MTMR4: variants seen among roughly 807,000 people sequenced by gnomAD.
MTMR4 encodes phosphatidylinositol-3,5-bisphosphate 3-phosphatase MTMR4.
In MTMR4, 30 loss-of-function variants were observed where a neutral mutation model predicts 125.5. That is an observed-to-expected ratio of 0.24 (90% confidence interval 0.18 to 0.32). The LOEUF is 0.32. Ranked by LOEUF, MTMR4 falls within the 10% of genes least tolerant of loss-of-function variation. The pLI is 1.00. For missense variants in MTMR4, 1,039 were observed against 1,511.5 expected (o/e 0.69, Z 5.18); for synonymous variants, 498 against 564.5 (o/e 0.88, Z 1.67).
At chr17:58,515,156 G>A (rs906790194), upstream of MTMR4, 7 of 608,396 alleles carry the variant, frequency 1.2e-5, no homozygotes, top group Admixed American at 3.8e-4. Context: ...TCTCTCCCTT[G>A]TTTCACATTC....
chr17:58,498,288 A>C (rs1238795571), intron 14 of MTMR4, among the ~76,000 whole-genome samples: 5 of 151,930 alleles, frequency 3.3e-5, no homozygotes, highest in African/African-American at 1.2e-4. Flanking sequence ...CTCTTCATCC[A>C]AATTCAAATA....
chr17:58,513,033 CCACA>C, intron 1 of MTMR4, 92 bp from the exon 2 acceptor site: 1 of 857,098 alleles, frequency 1.2e-6, no homozygotes, highest in Non-Finnish European at 2.0e-6. Flanking sequence ...CCACAGATAC[CCACA>C]CACACACACC....
rs182529815 is a variant in MTMR4 at position 58,498,795 on chromosome 17, T to C, written c.1854-2465A>G. ...ATCTCCGCTTTCTCCCCAAACTGGC[T>C]GGTCTTCTCGACCTTTCAATGTCTA... On this transcript the variant is annotated intron_variant, in intron 14 of 17. Transcript: ENST00000682306. 1.6e-4 allele frequency among the ~76,000 whole-genome samples: 24 copies of C among 152,334 alleles called. No homozygotes were observed. The East Asian group carries it at 4.4e-3, about 28-fold the overall frequency.
rs757261448 is a variant in MTMR4 at position 58,495,991 on chromosome 17, G to T, written c.2193C>A (p.Thr731=). The change falls in exon 15 of 18, where the codon ACC becomes ACA. Residue 731 remains threonine (T), a synonymous_variant. Transcript: ENST00000682306. ...TAVPREMKSN[T]SDPEIKVLEE... ...CTAGGACTTTGATCTCAGGATCAGA[G>T]GTGTTGCTCTTCATTTCCCGAGGCA... 6.2e-7 allele frequency: 1 copy of T among 1,614,104 alleles called. No homozygotes were observed. Among genetic ancestry groups the T allele is most frequent in the East Asian group, 2.2e-5 (1 of 44,890 alleles).
chr17:58,501,359 C>T (rs1288023330), intron 14 of MTMR4, among the ~76,000 whole-genome samples: 6 of 152,002 alleles, frequency 3.9e-5, no homozygotes, highest in Admixed American at 1.3e-4. Context: ...AAAATTGGCA[C>T]ATGCCTAATG....
chr17:58,507,393 A>G (rs1975807193), intron 7 of MTMR4, 74 bp from the exon 8 acceptor site: 5 of 1,412,834 alleles, frequency 3.5e-6, no homozygotes, highest in Non-Finnish European at 4.8e-6. Flanking sequence ...GGGTTAGACC[A>G]AAGTCTCTAG....
At position 58,506,887 on chromosome 17, in the gene MTMR4, G is replaced by T. The variant is rs201168815; in HGVS notation, c.905-16C>A. Reference sequence around the variant, plus strand: ...AGAGAAGAATCTAAACACACAGCAGGAAGGAGTCCCTGAGTCAGCCAGCCA... The same window carrying T: ...AGAGAAGAATCTAAACACACAGCAGTAAGGAGTCCCTGAGTCAGCCAGCCA... On this transcript the variant is annotated splice_polypyrimidine_tract_variant and intron_variant, in intron 8 of 17. Coordinates refer to ENST00000682306, the MANE Select transcript of MTMR4 (RefSeq NM_001378067.1). 3 of 1,607,932 alleles carry T rather than the reference G, an allele frequency of 1.9e-6. No homozygotes were observed. In the African/African-American group the frequency reaches 4.0e-5, roughly 21 times the overall value.
rs913754999 is a variant in MTMR4, at chr17:58,491,748, G to A, written c.3545C>T (p.Ser1182Leu). 3.1e-6 allele frequency: 5 copies of A among 1,614,054 alleles called. No individual in the cohort carries two copies. In the African/African-American group the frequency reaches 4.0e-5, roughly 13 times the overall value. The change falls in exon 18 of 18, where the codon TCA becomes TTA. Residue 1182 changes from serine to leucine, a missense_variant. Physicochemically the swap from Ser to Leu is moderately radical, Grantham distance 145. This residue lies in a region of MTMR4 where 60 missense variants were observed against 129.6 expected (regional missense o/e 0.46). Coordinates refer to ENST00000682306, the MANE Select transcript of MTMR4 (RefSeq NM_001378067.1). ...QLYDPVLVCN[S>L]CYEHIQVSRA... ...AGAGACTTGAATGTGTTCGTAACAT[G>A]AGTTACAGACGAGAACTGGGTCATA...
chr17:58,495,168 T>G lies in MTMR4; in HGVS notation c.3016A>C (p.Ser1006Arg). The G allele has an allele frequency of 6.2e-7, 1 of 1,614,240 alleles. No individual in the cohort carries two copies. The highest frequency in any genetic ancestry group is 2.2e-5 in the East Asian group (1 of 44,874). Reference protein sequence around the residue: ...WLSSHPKQVSSTKPVPLNCPS... With the variant: ...WLSSHPKQVSRTKPVPLNCPS... ...CAGTTCAGTGGAACGGGCTTTGTGCTAGAGACTTGCTTTGGATGACTGGAC... is the reference window on the plus strand; with the variant it reads ...CAGTTCAGTGGAACGGGCTTTGTGCGAGAGACTTGCTTTGGATGACTGGAC... The change falls in exon 15 of 18, where the codon AGC becomes CGC. Residue 1006 changes from serine (S) to arginine (R), a missense_variant. Ser to Arg is a moderately radical substitution (Grantham distance 110). Transcript: ENST00000682306.
chr17:58,512,904 G>A lies in MTMR4; in HGVS notation c.83C>T (p.Ala28Val). ...TTCCTTGGGGGGGAACAGATCCTTG[G>A]CTTGGATGTACTCCAGGCTGGGGGG... The part of the protein sequence containing the change: ...EGPPSLEYIQ[A>V]KDLFPPKELV... The change falls in exon 2 of 18, where the codon GCC (alanine) becomes GTC (valine). Residue 28 changes from alanine to valine, a missense_variant. Around this residue, in one of 6 missense-constraint regions of MTMR4, gnomAD observed 202 missense variants for 311.9 expected, o/e 0.65. Transcript: ENST00000682306. The surrounding 1 kb of genome is among the most constrained non-coding windows in gnomAD (Gnocchi z 4.1). 1 of 1,610,978 alleles carries A rather than the reference G, an allele frequency of 6.2e-7. No homozygotes were observed. The highest frequency in any genetic ancestry group is 8.5e-7 in the Non-Finnish European group (1 of 1,178,982).
chr17:58,498,395 G>C (rs1399927152), intron 14 of MTMR4, among the ~76,000 whole-genome samples: 4 of 151,746 alleles, frequency 2.6e-5, no homozygotes, highest in Non-Finnish European at 5.9e-5. Context: ...ACAACAAGGA[G>C]AGAGAGCTCA....
chr17:58,510,465 G>C (rs928594773), intron 4 of MTMR4: 3 of 152,186 alleles, frequency 2.0e-5, no homozygotes, highest in Admixed American at 2.0e-4. Context: ...TTTCGGTGCA[G>C]CTTCTCTGAT....
At chr17:58,503,141 G>C (rs1366576640) in intron 14 of MTMR4, among the ~76,000 whole-genome samples, 1 of 152,120 alleles carries the variant, frequency 6.6e-6, no homozygotes, top group Non-Finnish European at 1.5e-5. Context: ...CAAAAATCAA[G>C]ACCATTCCCA....
At chr17:58,506,982 C>T (rs1028267361) in intron 8 of MTMR4, 111 bp from the exon 9 acceptor site, 2 of 1,547,876 alleles carry the variant, frequency 1.3e-6, no homozygotes, top group Admixed American at 3.6e-5. Flanking sequence ...ACCCCTCATA[C>T]CCCACAGCTT....
chr17:58,515,967 C>T (rs567825175), upstream of MTMR4, among the ~76,000 whole-genome samples: 1 of 152,222 alleles, frequency 6.6e-6, no homozygotes, highest in Non-Finnish European at 1.5e-5. Flanking sequence ...GAGTTAAGGG[C>T]TTCCCTGGAC....
At chr17:58,517,993 C>G (rs1302887415), upstream of MTMR4, 2 of 152,964 alleles carry the variant, frequency 1.3e-5, no homozygotes, top group Non-Finnish European at 2.9e-5. Flanking sequence ...GCCCCCATCA[C>G]GCAGCCACCG....
At chr17:58,514,299 A>C (rs1976023401) in intron 1 of MTMR4, 64 bp downstream of exon 1, 1 of 987,402 alleles carries the variant, frequency 1.0e-6, no homozygotes, top group Non-Finnish European at 1.2e-6. Context: ...GCTGAAATCG[A>C]GGGCTGACCC....
intron 14 of MTMR4, among the ~76,000 whole-genome samples, chr17:58,503,482 T>C (rs1975693765): frequency 6.6e-6 from 1 of 152,032 alleles, no homozygotes; most frequent in African/African-American, 2.4e-5. Context: ...ACCCCATCTC[T>C]ACTAAAAATA....
Position 58,512,460 on chromosome 17 carries a change from C to G in MTMR4, c.182G>C (p.Arg61Pro). Residue 61 changes from arginine (R) to proline (P), a missense_variant, in exon 3 of 18, where the codon CGG becomes CCG. By Grantham distance (103) the Arg-to-Pro change is moderately radical. This residue lies in a region of MTMR4 where 202 missense variants were observed against 311.9 expected (regional missense o/e 0.65). Transcript: ENST00000682306. The surrounding 1 kb of genome is among the most constrained non-coding windows in gnomAD (Gnocchi z 4.1). ...LQGEGVEFLG[R>P]AADALIAISN... ...GATGGCAATGAGGGCATCGGCTGCCCGGCCCAGGAACTCTACTCCCTCACC... is the reference window on the plus strand; with the variant it reads ...GATGGCAATGAGGGCATCGGCTGCCGGGCCCAGGAACTCTACTCCCTCACC... The G allele has an allele frequency of 1.2e-6, 2 of 1,614,130 alleles. No individual in the cohort carries two copies. Among genetic ancestry groups the G allele is most frequent in the Non-Finnish European group, 1.7e-6 (2 of 1,180,026 alleles).
Sources: allele counts gnomAD v4.1 joint callset (sites outside exome capture counted in the v4.1 genomes callset), GRCh38; gene constraint gnomAD v4.1.1; regional missense constraint gnomAD v4.1.1; non-coding constraint Gnocchi (gnomAD v3.1); transcripts MANE v1.5; gene names NCBI Gene and HGNC (gene_info 2026-07-23, HGNC 2026-07-21).